The following LRP1B variants were observed in gnomAD, a reference collection of about 807,000 sequenced individuals.
The protein encoded by LRP1B is LDL receptor related protein 1B, also known as low-density lipoprotein receptor-related protein 1B.
In LRP1B, 217 loss-of-function variants were observed where a neutral mutation model predicts 556.6. The ratio of observed to expected loss-of-function variants is 0.39; its 90% confidence interval spans 0.35 to 0.44. The LOEUF (loss-of-function observed/expected upper bound fraction) is 0.44, where lower values mean the gene tolerates loss of function less well. Among genes scored for constraint, LRP1B ranks in the 20% least tolerant of loss-of-function variants. The probability of loss-of-function intolerance (pLI) is 1.00; values close to 1 mark genes in which losing one functional copy is unlikely to be tolerated. For synonymous variants in LRP1B, 2,047 were observed against 1,865.8 expected (o/e 1.10, Z -2.50); for missense variants, 5,053 against 5,620.8 (o/e 0.90, Z 3.23).
intron 1 of LRP1B, among the ~76,000 whole-genome samples, chr2:141,971,452 C>T (rs1701730423): frequency 6.6e-6 from 1 of 151,472 alleles, no homozygotes; most frequent in Non-Finnish European, 1.5e-5. Context: ...AATGGCTTAG[C>T]TTGTTCAATA....
At chr2:140,803,107 T>C (rs1690572386) in intron 32 of LRP1B, among the ~76,000 whole-genome samples, 1 of 152,134 alleles carries the variant, frequency 6.6e-6, no homozygotes, top group African/African-American at 2.4e-5. Flanking sequence ...TATACAATGA[T>C]TTGCACGGAT....
At chr2:140,786,441 C>G (rs1354130954) in intron 32 of LRP1B, among the ~76,000 whole-genome samples, 1 of 152,184 alleles carries the variant, frequency 6.6e-6, no homozygotes, top group African/African-American at 2.4e-5. Context: ...GCCCCTCCAC[C>G]TGGACAATCA....
At chr2:140,490,111 G>T (rs999058564) in intron 57 of LRP1B, among the ~76,000 whole-genome samples, 4 of 152,002 alleles carry the variant, frequency 2.6e-5, no homozygotes, top group Non-Finnish European at 5.9e-5. Context: ...ATGAAAATTT[G>T]TTTCATCAGA....
chr2:141,669,570 C>T (rs1690583094), intron 2 of LRP1B, among the ~76,000 whole-genome samples: 1 of 152,232 alleles, frequency 6.6e-6, no homozygotes, highest in African/African-American at 2.4e-5. Context: ...CCCTGTAAGA[C>T]TTGCTACCTT....
At position 141,857,748 on chromosome 2, in the gene LRP1B, A is replaced by G. The variant is rs114217125; in HGVS notation, c.83-47347T>C. 9.0e-3 allele frequency among the ~76,000 whole-genome samples: 1,374 copies of G among 152,282 alleles called. 9 individuals carry two copies. The highest frequency in any genetic ancestry group is 0.014 in the Non-Finnish European group (986 of 68,016). On this transcript the variant is annotated intron_variant, in intron 1 of 90. Coordinates refer to ENST00000389484, the MANE Select transcript of LRP1B (RefSeq NM_018557.3). ...TTTTACCAAATAAAGTTCAAGTTCA[A>G]CATTACATAAGGCTTTCACAAGGTA...
chr2:140,777,820 C>T (rs13426305), intron 32 of LRP1B, among the ~76,000 whole-genome samples: 89,437 of 151,622 alleles, frequency 0.59, 26,511 homozygotes, highest in East Asian at 0.76. Context: ...AAAAATCTAC[C>T]AAGAAGTATT....
chr2:141,344,891 T>A (rs1257106843), intron 3 of LRP1B, among the ~76,000 whole-genome samples: 1 of 152,188 alleles, frequency 6.6e-6, no homozygotes. Flanking sequence ...GCCCACATCT[T>A]AGTCCCTGGG....
At chr2:142,089,544 C>T (rs1245223259) in intron 1 of LRP1B, among the ~76,000 whole-genome samples, 1 of 152,146 alleles carries the variant, frequency 6.6e-6, no homozygotes, top group Non-Finnish European at 1.5e-5. Context: ...CCAGGTCTTA[C>T]ATTTAAAACA....
chr2:141,560,879 CT>C (rs1686123578), intron 2 of LRP1B, among the ~76,000 whole-genome samples: 1 of 151,706 alleles, frequency 6.6e-6, no homozygotes, highest in Admixed American at 6.6e-5. Context: ...TAATCATTAA[CT>C]GCTGGATTAC....
Position 141,183,379 on chromosome 2 carries a change from C to T in LRP1B, c.1013+5042G>A, listed in dbSNP as rs114723589. ...TAGAATTTCATTAGTCAGTCCTGCT[C>T]CCGATAGCTGTTAACTTTGATTCAA... On this transcript the variant is annotated intron_variant, in intron 7 of 90. Coordinates refer to ENST00000389484, the MANE Select transcript of LRP1B (RefSeq NM_018557.3). Among the ~76,000 whole-genome samples the T allele has an allele frequency of 3.0e-3, 464 of 152,182 alleles. 2 individuals are homozygous for T. Among genetic ancestry groups the T allele is most frequent in the African/African-American group, 0.011 (441 of 41,544 alleles).
chr2:141,642,512 T>A (rs965825192), intron 2 of LRP1B, among the ~76,000 whole-genome samples: 1 of 152,030 alleles, frequency 6.6e-6, no homozygotes, highest in African/African-American at 2.4e-5. Context: ...CATAAAAAAA[T>A]TACTGCAATT....
intron 7 of LRP1B, among the ~76,000 whole-genome samples, chr2:141,114,117 G>A (rs1397470588): frequency 2.0e-5 from 3 of 152,184 alleles, no homozygotes; most frequent in East Asian, 1.9e-4. Context: ...TCGTTTGCTC[G>A]GCTGCCATGT....
At chr2:141,616,715 T>C (rs1013716170) in intron 2 of LRP1B, among the ~76,000 whole-genome samples, 1 of 152,242 alleles carries the variant, frequency 6.6e-6, no homozygotes, top group African/African-American at 2.4e-5. Context: ...TAATGCTTAC[T>C]GCACACAAAA....
At chr2:141,243,702 T>A (rs1347538120) in intron 5 of LRP1B, among the ~76,000 whole-genome samples, 1 of 152,196 alleles carries the variant, frequency 6.6e-6, no homozygotes, top group African/African-American at 2.4e-5. Flanking sequence ...TAGTATCAAG[T>A]ATTAAATTGC....
At chr2:140,949,481 T>C (rs1318872071) in intron 20 of LRP1B, among the ~76,000 whole-genome samples, 1 of 152,216 alleles carries the variant, frequency 6.6e-6, no homozygotes, top group Non-Finnish European at 1.5e-5. Context: ...GCTTGTACTC[T>C]AGAAAGTCAG....
chr2:141,672,983 A>G (rs1690731026), intron 2 of LRP1B, among the ~76,000 whole-genome samples: 1 of 152,264 alleles, frequency 6.6e-6, no homozygotes, highest in East Asian at 1.9e-4. Context: ...GAAGTCTCCT[A>G]TGGGTATCAT....
At chr2:140,446,353 T>A (rs999079236) in intron 63 of LRP1B, among the ~76,000 whole-genome samples, 1 of 151,830 alleles carries the variant, frequency 6.6e-6, no homozygotes. Flanking sequence ...ATAAGAAACA[T>A]TATTACAAAT....
chr2:141,248,982 G>T (rs1304302166), intron 4 of LRP1B, among the ~76,000 whole-genome samples: 1 of 152,120 alleles, frequency 6.6e-6, no homozygotes, highest in South Asian at 2.1e-4. Context: ...AGTGAAAATT[G>T]ATTGAATTTT....
At chr2:141,221,703 A>C (rs2222231) in intron 6 of LRP1B, among the ~76,000 whole-genome samples, 2 of 152,278 alleles carry the variant, frequency 1.3e-5, no homozygotes, top group East Asian at 3.9e-4. Context: ...CTAATACAAA[A>C]TAACTGAAAT....
Sources: gnomAD v4.1 joint callset for allele counts (sites outside exome capture counted in the v4.1 genomes callset) on GRCh38, gnomAD v4.1.1 for gene constraint, MANE v1.5 for transcripts, NCBI Gene and HGNC (gene_info 2026-07-23, HGNC 2026-07-21) for gene names.